Variants in ENO4 observed in about 807,000 individuals in gnomAD.
ENO4 encodes the protein 2-phospho-D-glycerate hydro-lyase.
A neutral mutation model predicts 63.2 loss-of-function variants in ENO4; 53 were observed. The observed-to-expected ratio is 0.84, with a 90% CI of 0.67 to 1.05. ENO4 has a LOEUF of 1.05. ENO4 is among the 50% of genes least tolerant of loss of function. The pLI is 0.00. For synonymous variants in ENO4, 266 were observed against 283.8 expected (o/e 0.94, Z 0.63); for missense variants, 719 against 772.0 (o/e 0.93, Z 0.81).
chr10:116,911,944 A>G (rs74159007), downstream of ENO4: 14,165 of 841,384 alleles, frequency 0.017, 1,026 homozygotes, highest in African/African-American at 0.18. Context: ...TATATTGGTA[A>G]TATGTATGAC....
At chr10:116,888,461 A>C (rs554117831) in intron 10 of ENO4, among the ~76,000 whole-genome samples, 1 of 152,316 alleles carries the variant, frequency 6.6e-6, no homozygotes, top group South Asian at 2.1e-4. Flanking sequence ...TCTGCGTCTG[A>C]CACTGGGCCT....
At chr10:116,901,710 G>C in intron 10 of ENO4, 1 of 1,440,476 alleles carries the variant, frequency 6.9e-7, no homozygotes, top group Non-Finnish European at 9.1e-7. Context: ...AAACACACAA[G>C]TTAGTCATTA....
At chr10:116,854,453 G>A (rs939589399) in intron 1 of ENO4, among the ~76,000 whole-genome samples, 4 of 151,838 alleles carry the variant, frequency 2.6e-5, no homozygotes, top group East Asian at 1.9e-4. Context: ...CCAGCTACTC[G>A]GAAGGCTGAG....
chr10:116,907,723 G>A (rs1848028343), intron 10 of ENO4, among the ~76,000 whole-genome samples: 2 of 152,134 alleles, frequency 1.3e-5, no homozygotes, highest in East Asian at 1.9e-4. Flanking sequence ...GCGGAGGGAG[G>A]GGAAGGCAGG....
intron 2 of ENO4, among the ~76,000 whole-genome samples, 154 bp from the exon 3 acceptor site, chr10:116,856,338 A>T (rs1040172679): frequency 6.6e-6 from 1 of 152,216 alleles, no homozygotes; most frequent in Non-Finnish European, 1.5e-5. Context: ...TAGTGTTTCA[A>T]CAGCTATAAA....
At chr10:116,854,780 A>G (rs901639154) in intron 1 of ENO4, among the ~76,000 whole-genome samples, 3 of 151,294 alleles carry the variant, frequency 2.0e-5, no homozygotes, top group African/African-American at 7.3e-5. Context: ...CTGTATCTAC[A>G]AAATGTAAAA....
chr10:116,854,940 C>CAAAAAAAAAA (rs71013620), intron 1 of ENO4, among the ~76,000 whole-genome samples: 21 of 41,524 alleles, frequency 5.1e-4, no homozygotes, highest in African/African-American at 2.1e-3. Context: ...GACCCTGTCT[C>CAAAAAAAAAA]AAAAAAAAAA....
chr10:116,860,948 A>T lies in ENO4; in HGVS notation c.789A>T (p.Leu263=), dbSNP rs11197835. 18 of 1,541,324 alleles carry T rather than the reference A, an allele frequency of 1.2e-5. No individual in the cohort carries two copies. The highest frequency in any genetic ancestry group is 1.6e-5 in the Non-Finnish European group (18 of 1,140,074). ...LNKPLYLNIA[L]LKHNQEQPTT... Reference sequence around the variant, plus strand: ...AACCTCTGTACTTAAATATCGCTCTACTGAAGCACAATCAGGTTAGTATCT... The same window carrying T: ...AACCTCTGTACTTAAATATCGCTCTTCTGAAGCACAATCAGGTTAGTATCT... The change falls in exon 5 of 14, where the codon CTA becomes CTT. Residue 263 remains leucine, a synonymous_variant. Coordinates refer to ENST00000341276, the MANE Select transcript of ENO4 (RefSeq NM_001242699.2).
intron 10 of ENO4, chr10:116,911,399 T>G: frequency 6.8e-7 from 1 of 1,468,072 alleles, no homozygotes; most frequent in Non-Finnish European, 9.1e-7. Flanking sequence ...GAATTTAGCT[T>G]CACATTTAGG....
chr10:116,859,592 A>T lies in ENO4; in HGVS notation c.634+454A>T, dbSNP rs537433732. Among the ~76,000 whole-genome samples the T allele has an allele frequency of 2.6e-4, 40 of 152,368 alleles. No homozygotes were observed. In the South Asian group the frequency reaches 8.1e-3, roughly 31 times the overall value. The stretch of plus-strand genomic sequence containing the variant: ...TATTTTAAAGCAAATAATAGAAATT[A>T]TCACTTCAATTTGCCCTTGCTCCAT... On this transcript the variant is annotated intron_variant, in intron 4 of 13. Transcript: ENST00000341276.
At chr10:116,861,885 GT>G (rs1478150201) in intron 6 of ENO4, among the ~76,000 whole-genome samples, 1 of 152,008 alleles carries the variant, frequency 6.6e-6, no homozygotes, top group East Asian at 1.9e-4. Flanking sequence ...TCTTAAAATA[GT>G]TATTGCCTTA....
At chr10:116,908,776 C>G (rs1298454876) in intron 10 of ENO4, among the ~76,000 whole-genome samples, 2 of 152,160 alleles carry the variant, frequency 1.3e-5, no homozygotes, top group African/African-American at 2.4e-5. Flanking sequence ...TGGATAATGG[C>G]ATTATTTCCT....
chr10:116,894,886 C>T lies in ENO4; in HGVS notation c.1194+14900C>T, dbSNP rs1469625202. Among the ~76,000 whole-genome samples the T allele has an allele frequency of 5.9e-5, 9 of 152,280 alleles. No individual in the cohort carries two copies. In the South Asian group the frequency reaches 1.0e-3, roughly 18 times the overall value. On this transcript the variant is annotated intron_variant, in intron 10 of 10. Transcript: ENST00000369207. Reference sequence around the variant, plus strand: ...GCAAGAAAACATGAAACTCTTAAGCCTCTGCCTGACTGTGATGCAGACACA... The same window carrying T: ...GCAAGAAAACATGAAACTCTTAAGCTTCTGCCTGACTGTGATGCAGACACA...
intron 10 of ENO4, among the ~76,000 whole-genome samples, chr10:116,875,131 G>A (rs1050048737): frequency 9.9e-5 from 15 of 152,152 alleles, no homozygotes; most frequent in African/African-American, 3.4e-4. Context: ...ACATCAGATA[G>A]ATTGAACAGA....
chr10:116,876,136 C>T lies in ENO4; in HGVS notation c.1413C>T (p.Ser471=). The T allele has an allele frequency of 1.3e-6, 2 of 1,550,790 alleles. No homozygotes were observed. The highest frequency in any genetic ancestry group is 1.7e-6 in the Non-Finnish European group (2 of 1,146,994). Residue 471 remains serine, a synonymous_variant, in exon 11 of 14, where the codon TCC becomes TCT. Transcript: ENST00000341276. ...SRCYIIAGTA[S]KSISKLLEQG... ...GTTACATAATTGCAGGAACTGCTTCCAAAAGCATTTCTAAACTTCTAGAGC... is the reference window on the plus strand; with the variant it reads ...GTTACATAATTGCAGGAACTGCTTCTAAAAGCATTTCTAAACTTCTAGAGC...
intron 10 of ENO4, chr10:116,907,908 C>T (rs1848037924): frequency 1.9e-6 from 1 of 518,078 alleles, no homozygotes; most frequent in South Asian, 1.4e-5. Flanking sequence ...TCCCTCCCTG[C>T]CTGCCAACTA....
intron 10 of ENO4, among the ~76,000 whole-genome samples, chr10:116,888,621 G>A (rs1847237560): frequency 6.6e-6 from 1 of 152,196 alleles, no homozygotes; most frequent in Admixed American, 6.5e-5. Context: ...CTTCCCCAAG[G>A]AGCTGCACAT....
chr10:116,851,700 G>A (rs1846092130), intron 1 of ENO4, among the ~76,000 whole-genome samples: 1 of 152,072 alleles, frequency 6.6e-6, no homozygotes, highest in Non-Finnish European at 1.5e-5. Flanking sequence ...GCCTTCATGT[G>A]TGTGGTTCAC....
rs1052671343 is a variant in ENO4, at chr10:116,904,450, C to A, written c.1195-7049C>A. ...TTTGTTTCCTTCCTTTTTTTTTTTT[C>A]TTTTGCTTTGGCTATTAGGAAACTC... On this transcript the variant is annotated intron_variant, in intron 10 of 10. Transcript: ENST00000369207. 3.3e-5 allele frequency among the ~76,000 whole-genome samples: 4 copies of A among 120,860 alleles called. No homozygotes were observed. The South Asian group carries it at 1.0e-3, about 31-fold the overall frequency. 79.3% of individuals were successfully genotyped at this position (120,860 alleles called of 152,430 possible).
Sources: allele counts gnomAD v4.1 joint callset (sites outside exome capture counted in the v4.1 genomes callset), GRCh38; gene constraint gnomAD v4.1.1; transcripts MANE v1.5; gene names NCBI Gene and HGNC (gene_info 2026-07-23, HGNC 2026-07-21).